AMOTL1: variants seen among roughly 807,000 people sequenced by gnomAD.
AMOTL1 encodes the protein angiomotin-like protein 1.
In AMOTL1, 45 loss-of-function variants were observed where a neutral mutation model predicts 102.9. The ratio of observed to expected loss-of-function variants is 0.44; its 90% CI spans 0.34 to 0.56. AMOTL1 has a LOEUF of 0.56. Ranked by LOEUF, AMOTL1 falls within the 20% of genes least tolerant of loss-of-function variation. AMOTL1 has a pLI of 0.01. For synonymous variants in AMOTL1, 481 were observed against 484.7 expected, an observed-to-expected ratio of 0.99 and a Z score of 0.10; for missense variants, 1,114 against 1,225.6, an observed-to-expected ratio of 0.91 and a Z score of 1.36.
In AMOTL1 at chr11:94,831,458, T is replaced by C; in HGVS notation, c.1565T>C (p.Leu522Pro). 1 of 1,613,238 alleles carries C rather than the reference T, an allele frequency of 6.2e-7. No individual in the cohort carries two copies. The highest frequency in any genetic ancestry group is 8.5e-7 in the Non-Finnish European group (1 of 1,179,358). ...ATTTCCTCTTTGTTCATAGATCGAC[T>C]AGAGACTGCTAACAGGCAACTATCC... ...HDFNRDLRDR[L>P]ETANRQLSSR... Residue 522 changes from leucine (L) to proline (P), a missense_variant, in exon 6 of 13, where the codon CTA (leucine) becomes CCA (proline). Coordinates refer to ENST00000433060, the MANE Select transcript of AMOTL1 (RefSeq NM_130847.3).
intron 1 of AMOTL1, among the ~76,000 whole-genome samples, chr11:94,793,468 G>A (rs1951318767): frequency 6.6e-6 from 1 of 152,214 alleles, no homozygotes; most frequent in Non-Finnish European, 1.5e-5. Flanking sequence ...ATAGATCTGG[G>A]TGGTTCCTGG....
chr11:94,813,204 A>G (rs146755359), intron 3 of AMOTL1, among the ~76,000 whole-genome samples: 7 of 152,326 alleles, frequency 4.6e-5, no homozygotes, highest in African/African-American at 1.7e-4. Context: ...CAAACTCTAG[A>G]AGACAATTTG....
chr11:94,785,786 A>G (rs1951178211), intron 1 of AMOTL1, among the ~76,000 whole-genome samples: 1 of 152,206 alleles, frequency 6.6e-6, no homozygotes, highest in South Asian at 2.1e-4. Flanking sequence ...TGGGAGTGAG[A>G]GAGGGAGCTT....
intron 3 of AMOTL1, among the ~76,000 whole-genome samples, chr11:94,815,621 G>T (rs1430477994): frequency 1.3e-5 from 2 of 152,028 alleles, no homozygotes; most frequent in East Asian, 3.9e-4. Context: ...TTCTATAAAA[G>T]AAATGTGTTC....
intron 1 of AMOTL1, among the ~76,000 whole-genome samples, chr11:94,787,309 C>T (rs984592403): frequency 2.6e-5 from 4 of 152,024 alleles, no homozygotes; most frequent in South Asian, 2.1e-4. Context: ...AAGAAGACAT[C>T]GGGGAACTAC....
intron 3 of AMOTL1, among the ~76,000 whole-genome samples, chr11:94,757,648 G>A (rs1950742863): frequency 6.6e-6 from 1 of 152,200 alleles, no homozygotes; most frequent in East Asian, 1.9e-4. Flanking sequence ...AGGAGTCTGT[G>A]AAAACTGTCT....
At chr11:94,821,364 C>T (rs774791000) in intron 3 of AMOTL1, among the ~76,000 whole-genome samples, 166 bp from the exon 4 acceptor site, 2 of 152,298 alleles carry the variant, frequency 1.3e-5, no homozygotes, top group Middle Eastern at 3.4e-3. Flanking sequence ...CCCCAATAGC[C>T]GGAATGGTGC....
intron 1 of AMOTL1, among the ~76,000 whole-genome samples, chr11:94,710,721 A>G (rs1361712686): frequency 6.6e-6 from 1 of 152,174 alleles, no homozygotes; most frequent in African/African-American, 2.4e-5. Flanking sequence ...CTGAATATTT[A>G]CATTCTGAAT....
At position 94,859,847 on chromosome 11, in the gene AMOTL1, T is replaced by A. The variant is rs186000960; in HGVS notation, c.2135+132T>A. ...CAGCTAAAAATTATTTTTAAGTAGT[T>A]ACAGTGCTAGTTGGAGAGCAAAGTG... On this transcript the variant is annotated intron_variant, in intron 9 of 12. Coordinates refer to ENST00000433060, the MANE Select transcript of AMOTL1 (RefSeq NM_130847.3). 1.1e-5 allele frequency: 11 copies of A among 1,019,666 alleles called. No homozygotes were observed. In the Admixed American group the frequency reaches 1.3e-4, roughly 12 times the overall value. 63.2% of individuals were successfully genotyped at this position (1,019,666 alleles called of 1,614,324 possible). A position where few individuals can be genotyped will look rare whatever the true frequency, so the allele number is the denominator to read the frequency against.
Position 94,858,316 on chromosome 11 carries a change from G to C in AMOTL1, c.1945-1209G>C, listed in dbSNP as rs188625683. ...CTGCTCTGTTCCTACTTATAATGTT[G>C]GTCACTGGCAAGATAACACTTCCTA... On this transcript the variant is annotated intron_variant, in intron 8 of 12. Transcript: ENST00000433060. 5.9e-5 allele frequency among the ~76,000 whole-genome samples: 9 copies of C among 152,134 alleles called. No individual in the cohort carries two copies. The East Asian group carries it at 1.7e-3, about 29-fold the overall frequency.
At chr11:94,817,613 A>C (rs1459046072) in intron 3 of AMOTL1, among the ~76,000 whole-genome samples, 1 of 152,212 alleles carries the variant, frequency 6.6e-6, no homozygotes, top group African/African-American at 2.4e-5. Context: ...CCATAGAAGT[A>C]ACCCAATTTC....
At chr11:94,781,786 G>T (rs563710811) in intron 1 of AMOTL1, among the ~76,000 whole-genome samples, 68 of 151,692 alleles carry the variant, frequency 4.5e-4, no homozygotes, top group African/African-American at 1.6e-3. Flanking sequence ...AGTGAGCCGA[G>T]ATCGTGCCAC....
chr11:94,859,614 G>A lies in AMOTL1; in HGVS notation c.2034G>A (p.Leu678=), dbSNP rs1952734308. ...TGCGGGAGAAGGAGGAGCGGATCCT[G>A]GCCCTGGAGGCCGACATGACAAAGT... is the stretch of plus-strand genomic sequence containing the variant. ...ELVREKEERI[L]ALEADMTKWE... is the part of the protein sequence containing the mutation. The change falls in exon 9 of 13, where the codon CTG becomes CTA. Residue 678 remains leucine (L), a synonymous_variant. Transcript: ENST00000433060. 1 of 1,613,854 alleles carries A rather than the reference G, an allele frequency of 6.2e-7. No individual in the cohort carries two copies. The highest frequency in any genetic ancestry group is 2.2e-5 in the East Asian group (1 of 44,880).
chr11:94,830,542 G>A (rs572315918), intron 5 of AMOTL1, among the ~76,000 whole-genome samples: 7 of 152,176 alleles, frequency 4.6e-5, no homozygotes, highest in South Asian at 2.1e-4. Context: ...AATGTTAGAC[G>A]CACAACCCTT....
chr11:94,782,325 TTGGAAACTTGTATCTGCCACCGTGAAC>T (rs1345831149), intron 1 of AMOTL1, among the ~76,000 whole-genome samples: 16 of 152,236 alleles, frequency 1.1e-4, no homozygotes, highest in African/African-American at 3.9e-4. Flanking sequence ...TTTGGAATTT[TTGGAAACTTGTATCTGCCACCGTGAAC>T]TGGACAACTT....
At chr11:94,824,258 A>G (rs1479335304) in intron 4 of AMOTL1, among the ~76,000 whole-genome samples, 2 of 152,210 alleles carry the variant, frequency 1.3e-5, no homozygotes, top group African/African-American at 2.4e-5. Flanking sequence ...TCCTCACTTA[A>G]TATCATCAAT....
chr11:94,732,057 T>C (rs906372972), intron 2 of AMOTL1, among the ~76,000 whole-genome samples: 3 of 152,172 alleles, frequency 2.0e-5, no homozygotes, highest in African/African-American at 7.2e-5. Flanking sequence ...CTTCAAAGCA[T>C]CTTTCCTCGA....
In AMOTL1 at chr11:94,739,538, A is replaced by G. The variant is rs151220555; in HGVS notation, c.86-1400A>G. ...AAAAGCCAGAGATGGCTGAGTGTTT[A>G]CAGGATGAGAGCACATTGGCTCAGA... On this transcript the variant is annotated intron_variant, in intron 2 of 4. Coordinates refer to the AMOTL1 transcript ENST00000299004. 7.5e-4 allele frequency among the ~76,000 whole-genome samples: 114 copies of G among 152,292 alleles called. 1 individual carries two copies. The East Asian group carries it at 0.021, about 28-fold the overall frequency.
chr11:94,799,377 G>T lies in AMOTL1; in HGVS notation c.200-13G>T, dbSNP rs1313459896. On this transcript the variant is annotated splice_polypyrimidine_tract_variant and intron_variant, in intron 2 of 12. Transcript: ENST00000433060. The surrounding 1 kb of genome is among the most constrained non-coding windows in gnomAD (Gnocchi z 4.5). ...AGCTGCCTGATATCTTTTTTCCTATGTTTATCTTTTAGTTGAAGATCCTCT... is the reference window on the plus strand; with the variant it reads ...AGCTGCCTGATATCTTTTTTCCTATTTTTATCTTTTAGTTGAAGATCCTCT... 8 of 1,539,618 alleles carry T rather than the reference G, an allele frequency of 5.2e-6. No individual in the cohort carries two copies. In the Admixed American group the frequency reaches 1.2e-4, roughly 24 times the overall value.
Sources: gnomAD v4.1 joint callset for allele counts (sites outside exome capture counted in the v4.1 genomes callset) on GRCh38, gnomAD v4.1.1 for gene constraint, Gnocchi (gnomAD v3.1) non-coding constraint, MANE v1.5 for transcripts, NCBI Gene and HGNC (gene_info 2026-07-23, HGNC 2026-07-21) for gene names.